The following NCKAP1 variants were observed in gnomAD, a reference collection of about 807,000 sequenced individuals.
NCKAP1 encodes nck-associated protein 1.
A neutral mutation model predicts 151.2 loss-of-function variants in NCKAP1; 21 were observed. The ratio of observed to expected loss-of-function variants is 0.14; its 90% confidence interval spans 0.10 to 0.20. The LOEUF (loss-of-function observed/expected upper bound fraction) is 0.20, where lower values mean the gene tolerates loss of function less well. Ranked by LOEUF, NCKAP1 falls within the 10% of genes least tolerant of loss-of-function variation. NCKAP1 has a pLI of 1.00. For missense variants in NCKAP1, 933 were observed against 1,352.1 expected, an observed-to-expected ratio of 0.69 and a Z score of 4.86; for synonymous variants, 484 against 451.8, an observed-to-expected ratio of 1.07 and a Z score of -0.90.
chr2:182,950,709 T>G (rs1309495134), intron 23 of NCKAP1, among the ~76,000 whole-genome samples: 1 of 152,136 alleles, frequency 6.6e-6, no homozygotes, highest in African/African-American at 2.4e-5. Context: ...TTATGCTGAG[T>G]ACCTAAAAGC....
At chr2:182,925,874 A>G (rs1696633413) in intron 30 of NCKAP1, 56 bp from the exon 31 acceptor site, 1 of 921,262 alleles carries the variant, frequency 1.1e-6, no homozygotes, top group African/African-American at 1.7e-5. Context: ...TTTATAAACA[A>G]AAATCATAAG....
chr2:183,018,052 C>T (rs1003245218), intron 2 of NCKAP1, among the ~76,000 whole-genome samples: 4 of 152,068 alleles, frequency 2.6e-5, no homozygotes, highest in Admixed American at 2.6e-4. Flanking sequence ...AGTTTGAGAC[C>T]AGCCTGGCCA....
At chr2:182,983,093 A>T (rs975988100) in intron 11 of NCKAP1, among the ~76,000 whole-genome samples, 166 bp from the exon 12 acceptor site, 6 of 152,210 alleles carry the variant, frequency 3.9e-5, no homozygotes, top group Admixed American at 3.3e-4. Flanking sequence ...TGTATGAGAG[A>T]GAGCATGCAT....
rs914351122 is a variant in NCKAP1, at chr2:182,924,843, A to G, written c.*859T>C. On this transcript the variant is annotated 3_prime_UTR_variant, in exon 31 of 31. Transcript: ENST00000361354. ...ACTAAGTTTAAACAAAAACTTTATT[A>G]TTATTGAACGAATATCCAAGGATCT... The G allele has an allele frequency of 6.6e-6, 1 of 152,156 alleles. No individual in the cohort carries two copies. The highest frequency in any genetic ancestry group is 1.5e-5 in the Non-Finnish European group (1 of 68,004). 9.4% of individuals were successfully genotyped at this position (152,156 alleles called of 1,614,324 possible). A position where few individuals can be genotyped will look rare whatever the true frequency, so the allele number is the denominator to read the frequency against.
In NCKAP1 at chr2:182,953,241, G is replaced by T; in HGVS notation, c.2244C>A (p.Thr748=). The T allele has an allele frequency of 6.2e-7, 1 of 1,612,716 alleles. No homozygotes were observed. The highest frequency in any genetic ancestry group is 2.2e-5 in the East Asian group (1 of 44,782). ...ELLTSVRAYM[T]VLQSIENYVQ... is the part of the protein sequence containing the mutation. ...CATAGTTTTCTATTGACTGGAGTACGGTCATGTATGCTCTTACACTTGTTA... is the reference window on the plus strand; with the variant it reads ...CATAGTTTTCTATTGACTGGAGTACTGTCATGTATGCTCTTACACTTGTTA... Residue 748 remains threonine (T), a synonymous_variant, in exon 21 of 31, where the codon ACC becomes ACA. Transcript: ENST00000361354.
At chr2:182,926,677 C>A (rs181697610) in intron 30 of NCKAP1, 139 bp downstream of exon 30, 138 of 542,986 alleles carry the variant, frequency 2.5e-4, no homozygotes, top group Non-Finnish European at 2.9e-5. Context: ...GTCTTCTCTG[C>A]AAATTTTAGA....
At chr2:182,930,476 C>G (rs996885657) in intron 27 of NCKAP1, among the ~76,000 whole-genome samples, 3 of 152,004 alleles carry the variant, frequency 2.0e-5, no homozygotes, top group African/African-American at 7.2e-5. Flanking sequence ...CATCTATATA[C>G]ACTAAATGGC....
chr2:182,960,136 C>T (rs1318937370), intron 18 of NCKAP1, among the ~76,000 whole-genome samples: 1 of 152,082 alleles, frequency 6.6e-6, no homozygotes, highest in Non-Finnish European at 1.5e-5. Context: ...GAATCAATAT[C>T]GTGAAAATGG....
chr2:182,947,988 A>C (rs950185737), intron 23 of NCKAP1, among the ~76,000 whole-genome samples: 1 of 152,154 alleles, frequency 6.6e-6, no homozygotes, highest in African/African-American at 2.4e-5. Context: ...GTTGAATACT[A>C]AACAATCTGG....
At chr2:183,017,216 G>A (rs945660857) in intron 2 of NCKAP1, among the ~76,000 whole-genome samples, 5 of 152,098 alleles carry the variant, frequency 3.3e-5, no homozygotes, top group Admixed American at 6.5e-5. Flanking sequence ...GTACTGGGGC[G>A]GAGGGGTGGA....
intron 2 of NCKAP1, 115 bp from the exon 3 acceptor site, chr2:183,003,440 T>C: frequency 4.4e-6 from 3 of 676,016 alleles, no homozygotes; most frequent in South Asian, 3.9e-5. Context: ...AGAATATTTC[T>C]AGATGATTAC....
chr2:183,031,713 T>C (rs545441303), intron 1 of NCKAP1, among the ~76,000 whole-genome samples: 1 of 152,324 alleles, frequency 6.6e-6, no homozygotes, highest in East Asian at 1.9e-4. Context: ...GATTCACTCA[T>C]TTAATTCTCC....
chr2:182,933,768 CTA>C (rs1696814429), intron 26 of NCKAP1, among the ~76,000 whole-genome samples: 1 of 152,144 alleles, frequency 6.6e-6, no homozygotes, highest in African/African-American at 2.4e-5. Flanking sequence ...AGTTTAGACA[CTA>C]TTTTTTTCAG....
chr2:182,937,270 A>G (rs1381874146), intron 24 of NCKAP1, among the ~76,000 whole-genome samples: 5 of 152,150 alleles, frequency 3.3e-5, no homozygotes, highest in Non-Finnish European at 5.9e-5. Flanking sequence ...TTGAATGTGT[A>G]CAATAATGAC....
Position 183,002,040 on chromosome 2 carries a change from G to A in NCKAP1, c.516C>T (p.Asp172=). Residue 172 remains aspartate (D), a synonymous_variant, in exon 6 of 31, where the codon GAC becomes GAT. Transcript: ENST00000361354. ...TCTGGCCAAGGCGTGGGTATTCTCT[G>A]TCACTTAAAACAGACATATCAAATT... is the stretch of plus-strand genomic sequence containing the variant. ...YAHEMTHGAS[D]REYPRLGQMI... 11 of 1,613,428 alleles carry A rather than the reference G, an allele frequency of 6.8e-6. No homozygotes were observed. Among genetic ancestry groups the A allele is most frequent in the Non-Finnish European group, 9.3e-6 (11 of 1,179,592 alleles).
At chr2:183,009,219 C>T (rs1000669103) in intron 2 of NCKAP1, among the ~76,000 whole-genome samples, 3 of 151,888 alleles carry the variant, frequency 2.0e-5, no homozygotes, top group African/African-American at 7.3e-5. Context: ...ACTAAAAATA[C>T]AAAAATTAGC....
chr2:182,967,964 C>T (rs1575036816), intron 15 of NCKAP1, among the ~76,000 whole-genome samples: 1 of 152,178 alleles, frequency 6.6e-6, no homozygotes, highest in East Asian at 1.9e-4. Flanking sequence ...CAGATCATGT[C>T]CATGGATAGG....
rs1298026153 is a variant in NCKAP1, at chr2:182,914,060, G to T, written c.*11642C>A. 1.3e-5 allele frequency: 2 copies of T among 152,162 alleles called. No homozygotes were observed. Among genetic ancestry groups the T allele is most frequent in the Non-Finnish European group, 2.9e-5 (2 of 68,016 alleles). The allele number at this position is 152,162 out of a possible 1,614,324, so 9.4% of individuals were successfully genotyped here. Reference sequence around the variant, plus strand: ...CCCTCATTTAATCAGTTGTAGCCAGGGAGAAGTCACATATTGGTATCAGAG... The same window carrying T: ...CCCTCATTTAATCAGTTGTAGCCAGTGAGAAGTCACATATTGGTATCAGAG... On this transcript the variant is annotated 3_prime_UTR_variant, in exon 31 of 31. Transcript: ENST00000361354.
intron 2 of NCKAP1, among the ~76,000 whole-genome samples, chr2:183,014,722 T>C (rs553410152): frequency 7.9e-5 from 12 of 152,316 alleles, no homozygotes; most frequent in South Asian, 2.1e-4. Flanking sequence ...ACTTTAGATC[T>C]GACAAAAGGT....
Sources: gnomAD v4.1 joint callset for allele counts (sites outside exome capture counted in the v4.1 genomes callset) on GRCh38, gnomAD v4.1.1 for gene constraint, MANE v1.5 for transcripts, NCBI Gene and HGNC (gene_info 2026-07-23, HGNC 2026-07-21) for gene names.